LRRC37A2: variants seen among roughly 807,000 people sequenced by gnomAD.
LRRC37A2 encodes leucine-rich repeat-containing protein 37A2.
In LRRC37A2, 9 loss-of-function variants were observed where a neutral mutation model predicts 68.8. That is an observed-to-expected ratio of 0.13 (90% CI 0.08 to 0.23). The LOEUF is 0.23. Among genes scored for constraint, LRRC37A2 ranks in the 10% least tolerant of loss-of-function variants. The pLI is 1.00. For missense variants in LRRC37A2, 168 were observed against 950.4 expected (o/e 0.18, Z 10.82); for synonymous variants, 63 against 367.6 (o/e 0.17, Z 9.48).
At chr17:46,766,844 C>T in the LRRC37A2 span, among the ~76,000 whole-genome samples, 1 of 152,232 alleles carries the variant, frequency 6.6e-6, no homozygotes, top group Non-Finnish European at 1.5e-5. Flanking sequence ...AGCAGCACCC[C>T]AGACAACAAT....
the LRRC37A2 span, chr17:46,929,699 TTTG>T: frequency 1.3e-5 from 9 of 701,600 alleles, no homozygotes; most frequent in African/African-American, 1.4e-4. Flanking sequence ...TGGAATGAGT[TTTG>T]TTGTTAGGGT....
At chr17:46,731,174 C>A in the LRRC37A2 span, among the ~76,000 whole-genome samples, 7 of 151,866 alleles carry the variant, frequency 4.6e-5, no homozygotes, top group African/African-American at 1.7e-4. Context: ...AAAAGTAGTA[C>A]CATTACATAC....
At chr17:46,922,911 C>T in the LRRC37A2 span, 6 of 554,582 alleles carry the variant, frequency 1.1e-5, no homozygotes, top group South Asian at 1.3e-4. Context: ...TCCTTCCTAA[C>T]GCCTGACTGA....
At chr17:46,923,150 C>A in the LRRC37A2 span, 1 of 1,338,412 alleles carries the variant, frequency 7.5e-7, no homozygotes, top group Admixed American at 2.0e-5. Flanking sequence ...GGACGTGTTC[C>A]GAGGAAGCCA....
chr17:47,029,099 A>G, the LRRC37A2 span, among the ~76,000 whole-genome samples: 2 of 151,884 alleles, frequency 1.3e-5, no homozygotes, highest in African/African-American at 2.4e-5. Context: ...AATGGCTTGA[A>G]CCCGGGAGGT....
chr17:46,822,342 C>G, the LRRC37A2 span, among the ~76,000 whole-genome samples: 1 of 152,198 alleles, frequency 6.6e-6, no homozygotes, highest in Non-Finnish European at 1.5e-5. Flanking sequence ...TTTCCACTGC[C>G]CAGCCTAGTT....
the LRRC37A2 span, chr17:46,755,721 G>GATT: frequency 2.9e-6 from 3 of 1,030,748 alleles, no homozygotes; most frequent in East Asian, 5.4e-5. Context: ...AGCTTTTAGT[G>GATT]ATTTTTTTTT....
chr17:46,866,326 G>A, the LRRC37A2 span, among the ~76,000 whole-genome samples: 1 of 152,180 alleles, frequency 6.6e-6, no homozygotes, highest in Non-Finnish European at 1.5e-5. Flanking sequence ...GGAGCGGAGA[G>A]CACAGGAGGG....
At chr17:46,923,335 AGGGCACTGCTGGGGAT>A in the LRRC37A2 span, 1 of 1,533,210 alleles carries the variant, frequency 6.5e-7, no homozygotes, top group Non-Finnish European at 8.8e-7. Flanking sequence ...TTTTTCCGCC[AGGGCACTGCTGGGGAT>A]GCCTCCGAAG....
the LRRC37A2 span, among the ~76,000 whole-genome samples, chr17:46,844,373 C>T: frequency 4.3e-5 from 6 of 137,956 alleles, no homozygotes; most frequent in East Asian, 6.4e-4. Flanking sequence ...AACCAAGGTT[C>T]GAGTCTCTCC....
At chr17:46,389,288 A>G in the LRRC37A2 span, among the ~76,000 whole-genome samples, 3 of 143,680 alleles carry the variant, frequency 2.1e-5, no homozygotes, top group Admixed American at 2.1e-4. Flanking sequence ...TAGCTAATAC[A>G]TATGAATGTA....
chr17:46,923,347 G>C, the LRRC37A2 span: 3 of 1,522,076 alleles, frequency 2.0e-6, no homozygotes, highest in Non-Finnish European at 2.6e-6. Flanking sequence ...GGCACTGCTG[G>C]GGATGCCTCC....
the LRRC37A2 span, among the ~76,000 whole-genome samples, chr17:46,953,865 C>T: frequency 9.8e-5 from 15 of 152,290 alleles, no homozygotes; most frequent in South Asian, 2.1e-4. Flanking sequence ...TCATATCCTT[C>T]GCCCACTTGT....
At chr17:46,943,565 A>G in the LRRC37A2 span, among the ~76,000 whole-genome samples, 2 of 152,202 alleles carry the variant, frequency 1.3e-5, no homozygotes, top group Non-Finnish European at 2.9e-5. Flanking sequence ...TTCCTGCGGA[A>G]TGGGAGTTGC....
At chr17:46,779,094 CA>C in the LRRC37A2 span, among the ~76,000 whole-genome samples, 1 of 148,282 alleles carries the variant, frequency 6.7e-6, no homozygotes, top group East Asian at 2.1e-4. Flanking sequence ...CACACACACA[CA>C]CACACACACC....
At chr17:47,002,415 C>T in the LRRC37A2 span, among the ~76,000 whole-genome samples, 8 of 150,574 alleles carry the variant, frequency 5.3e-5, no homozygotes, top group Middle Eastern at 3.5e-3. Context: ...TTTGAGACAG[C>T]GTTTCACTCT....
the LRRC37A2 span, among the ~76,000 whole-genome samples, chr17:46,893,424 G>A: frequency 6.6e-6 from 1 of 151,858 alleles, no homozygotes; most frequent in African/African-American, 2.4e-5. Context: ...CATGTGGCCA[G>A]TGTAGTTACA....
the LRRC37A2 span, among the ~76,000 whole-genome samples, chr17:46,919,880 G>A: frequency 1.1e-4 from 17 of 152,034 alleles, no homozygotes; most frequent in Non-Finnish European, 2.4e-4. Context: ...CCAGGAGGCG[G>A]AGGTTGCAGT....
At chr17:46,800,279 T>C in the LRRC37A2 span, among the ~76,000 whole-genome samples, 2 of 151,936 alleles carry the variant, frequency 1.3e-5, no homozygotes, top group African/African-American at 2.4e-5. Context: ...CCCAGCTAAT[T>C]TTTGTATTTT....
Sources: gnomAD v4.1 joint callset for allele counts (sites outside exome capture counted in the v4.1 genomes callset) on GRCh38, gnomAD v4.1.1 for gene constraint, MANE v1.5 for transcripts, NCBI Gene and HGNC (gene_info 2026-07-23, HGNC 2026-07-21) for gene names.